Variants in GABRG2 observed in about 807,000 individuals in gnomAD.
GABRG2 encodes gamma-aminobutyric acid receptor subunit gamma-2.
In GABRG2, 16 loss-of-function variants were observed where a neutral mutation model predicts 56.4. The observed-to-expected ratio is 0.28, with a 90% CI of 0.19 to 0.43. The LOEUF is 0.43. GABRG2 is among the 20% of genes least tolerant of loss of function. The pLI is 1.00. For synonymous variants in GABRG2, 208 were observed against 205.5 expected (o/e 1.01, Z -0.10); for missense variants, 327 against 582.7 (o/e 0.56, Z 4.52).
At chr5:162,153,066 C>A (rs199507628) in intron 9 of GABRG2, 27 bp from the exon 10 acceptor site, 15 of 1,613,690 alleles carry the variant, frequency 9.3e-6, no homozygotes, top group Non-Finnish European at 1.3e-5. Flanking sequence ...ACTAACTGAT[C>A]CCTCTCCTTC....
At chr5:162,134,875 C>A (rs1285443680) in intron 6 of GABRG2, among the ~76,000 whole-genome samples, 3 of 152,122 alleles carry the variant, frequency 2.0e-5, no homozygotes, top group Non-Finnish European at 4.4e-5. Flanking sequence ...AACCAGTTCC[C>A]ATTCTTCAGT....
rs1039081493 is a variant in GABRG2, at chr5:162,155,206, T to C, written c.*1838T>C. 1 of 152,658 alleles carries C rather than the reference T, an allele frequency of 6.6e-6. No individual in the cohort carries two copies. Among genetic ancestry groups the C allele is most frequent in the African/African-American group, 2.4e-5 (1 of 41,546 alleles). 9.5% of individuals were successfully genotyped at this position (152,658 alleles called of 1,614,324 possible). On this transcript the variant is annotated 3_prime_UTR_variant, in exon 10 of 10. Transcript: ENST00000639213. ...TTTAATATATCAGTGCTCCAGTATA[T>C]AACCTCAAACAAATGTAAATAGAAC...
chr5:162,076,024 C>T (rs1455529524), intron 1 of GABRG2, among the ~76,000 whole-genome samples: 2 of 151,806 alleles, frequency 1.3e-5, no homozygotes, highest in Non-Finnish European at 2.9e-5. Flanking sequence ...TGGTAGTGCA[C>T]GCCTGTGGTC....
chr5:162,131,438 T>A (rs1763749718), intron 6 of GABRG2, among the ~76,000 whole-genome samples: 1 of 151,986 alleles, frequency 6.6e-6, no homozygotes, highest in South Asian at 2.1e-4. Context: ...ATGAAAAATA[T>A]TACTTAGAAA....
chr5:162,111,451 T>C (rs1762248499), intron 6 of GABRG2, among the ~76,000 whole-genome samples: 1 of 152,106 alleles, frequency 6.6e-6, no homozygotes, highest in Non-Finnish European at 1.5e-5. Flanking sequence ...AGAAGTTCTG[T>C]GAAATCAAAG....
intron 4 of GABRG2, among the ~76,000 whole-genome samples, chr5:162,101,015 T>TA (rs1483543423): frequency 6.6e-6 from 1 of 152,162 alleles, no homozygotes; most frequent in Non-Finnish European, 1.5e-5. Flanking sequence ...ATAGTTGAGG[T>TA]AAGTGAGGTG....
At chr5:162,090,508 G>A (rs1207890140) in intron 1 of GABRG2, among the ~76,000 whole-genome samples, 1 of 152,024 alleles carries the variant, frequency 6.6e-6, no homozygotes, top group African/African-American at 2.4e-5. Flanking sequence ...TTTCTGGCAA[G>A]CTCCCATGCA....
At chr5:162,098,768 T>G (rs1461611317) in intron 4 of GABRG2, 2 of 152,172 alleles carry the variant, frequency 1.3e-5, no homozygotes, top group Non-Finnish European at 2.9e-5. Flanking sequence ...GTTATGTTTT[T>G]ATTTAGAAAA....
At chr5:162,103,111 A>G (rs1761555018) in intron 5 of GABRG2, 2 of 153,680 alleles carry the variant, frequency 1.3e-5, no homozygotes, top group African/African-American at 4.8e-5. Context: ...ATATACATTG[A>G]CCATCAATTC....
intron 6 of GABRG2, among the ~76,000 whole-genome samples, chr5:162,116,515 A>G (rs1220014697): frequency 6.6e-6 from 1 of 151,896 alleles, no homozygotes; most frequent in African/African-American, 2.4e-5. Context: ...AGTAATTTTG[A>G]CTCACATTCT....
intron 6 of GABRG2, among the ~76,000 whole-genome samples, chr5:162,117,156 T>C (rs1762676455): frequency 6.6e-6 from 1 of 152,196 alleles, no homozygotes; most frequent in South Asian, 2.1e-4. Context: ...ACACATGATA[T>C]TAACATGAAA....
At chr5:162,147,876 A>C (rs1765081751) in intron 7 of GABRG2, among the ~76,000 whole-genome samples, 2 of 152,220 alleles carry the variant, frequency 1.3e-5, no homozygotes, top group Admixed American at 1.3e-4. Flanking sequence ...AGATGCCTCC[A>C]CTCAGGATTA....
Position 162,104,036 on chromosome 5 carries a change from A to G in GABRG2, c.769+10A>G, listed in dbSNP as rs765703079. ...GTGAAGACAACTTCCGGTAAGATGC[A>G]CTGGCAAAGAATTTCAAGTGACCCT... is the stretch of plus-strand genomic sequence containing the variant. On this transcript the variant is annotated intron_variant, in intron 6 of 9. Transcript: ENST00000639213. 3.0e-5 allele frequency: 49 copies of G among 1,613,846 alleles called. No individual in the cohort carries two copies. In the South Asian group the frequency reaches 4.5e-4, roughly 15 times the overall value.
At position 162,153,096 on chromosome 5, in the gene GABRG2, C is replaced by T. The variant is rs757311213; in HGVS notation, c.1156C>T (p.Pro386Ser). ...PLLRMFSFKAPTIDIRPRSAT... is the reference protein window; with the variant it reads ...PLLRMFSFKASTIDIRPRSAT... ...TCCTTCCCTACCCTCGTCCCAGGCC[C>T]CTACCATTGATATCCGCCCAAGATC... is the stretch of plus-strand genomic sequence containing the variant. Residue 386 changes from proline to serine, a missense_variant, in exon 10 of 10, where the codon CCT (proline) becomes TCT (serine). This residue lies in a region of GABRG2 where 108 missense variants were observed against 144.2 expected (regional missense o/e 0.75). Coordinates refer to ENST00000639213, the MANE Select transcript of GABRG2 (RefSeq NM_198904.4). 21 of 1,614,002 alleles carry T rather than the reference C, an allele frequency of 1.3e-5. No individual in the cohort carries two copies. The highest frequency in any genetic ancestry group is 1.7e-5 in the Non-Finnish European group (20 of 1,179,956).
At chr5:162,143,122 C>T (rs1258417556) in intron 7 of GABRG2, among the ~76,000 whole-genome samples, 3 of 152,174 alleles carry the variant, frequency 2.0e-5, no homozygotes, top group South Asian at 2.1e-4. Flanking sequence ...ACTTGGTATT[C>T]GGTGATGCCA....
At chr5:162,143,223 C>A (rs1276367360) in intron 7 of GABRG2, among the ~76,000 whole-genome samples, 3 of 152,182 alleles carry the variant, frequency 2.0e-5, no homozygotes, top group Non-Finnish European at 4.4e-5. Flanking sequence ...AATTGTTACA[C>A]ATTCACCAGC....
At chr5:162,099,281 T>TATTC (rs1188082481) in intron 4 of GABRG2, 1 of 152,110 alleles carries the variant, frequency 6.6e-6, no homozygotes, top group Admixed American at 6.6e-5. Flanking sequence ...TTTATTTATT[T>TATTC]ATTTTGAGAC....
chr5:162,102,285 A>T (rs1257267587), intron 5 of GABRG2: 1 of 231,358 alleles, frequency 4.3e-6, no homozygotes, highest in African/African-American at 2.3e-5. Context: ...TTTAATTATA[A>T]AGTTAAAGCT....
At chr5:162,111,358 A>C (rs921200654) in intron 6 of GABRG2, among the ~76,000 whole-genome samples, 6 of 152,172 alleles carry the variant, frequency 3.9e-5, no homozygotes, top group Non-Finnish European at 5.9e-5. Context: ...TAAAAATCAC[A>C]CATTTGGATT....
Sources: allele counts gnomAD v4.1 joint callset (sites outside exome capture counted in the v4.1 genomes callset), GRCh38; gene constraint gnomAD v4.1.1; regional missense constraint gnomAD v4.1.1; transcripts MANE v1.5; gene names NCBI Gene and HGNC (gene_info 2026-07-23, HGNC 2026-07-21).